XIRP2: variants seen among roughly 807,000 people sequenced by gnomAD.
XIRP2 encodes xin actin-binding repeat-containing protein 2.
Under a neutral mutation model 277.0 loss-of-function variants are expected in XIRP2, and 236 were observed. The ratio of observed to expected loss-of-function variants is 0.85; its 90% CI spans 0.77 to 0.95. XIRP2 has a LOEUF of 0.95. XIRP2 is among the 40% of genes least tolerant of loss of function. XIRP2 has a pLI of 0.00. For synonymous variants in XIRP2, 1,490 were observed against 1,416.5 expected, an observed-to-expected ratio of 1.05 and a Z score of -1.17; for missense variants, 4,640 against 4,157.5, an observed-to-expected ratio of 1.12 and a Z score of -3.19.
intron 2 of XIRP2, among the ~76,000 whole-genome samples, chr2:167,053,853 A>G (rs1379965341): frequency 1.3e-5 from 2 of 152,118 alleles, no homozygotes; most frequent in African/African-American, 4.8e-5. Flanking sequence ...ATGATAATTA[A>G]AAATTTGAGA....
chr2:167,164,649 G>C (rs568833456), intron 3 of XIRP2, among the ~76,000 whole-genome samples: 89 of 152,156 alleles, frequency 5.8e-4, no homozygotes, highest in African/African-American at 2.0e-3. Context: ...ATATTTCATA[G>C]TTTTCAGTGT....
rs115962017 is a variant in XIRP2, at chr2:167,018,950, T to C, written c.408+115060T>C. 3.3e-3 allele frequency among the ~76,000 whole-genome samples: 498 copies of C among 152,150 alleles called. 4 individuals are homozygous for C. The highest frequency in any genetic ancestry group is 5.5e-3 in the Non-Finnish European group (372 of 67,984). ...GTGAGCACCTGGAAGGCAGGGATTT[T>C]TTTTTCTTTTTTAATCTTTGAGTTA... On this transcript the variant is annotated intron_variant, in intron 2 of 10. Coordinates refer to ENST00000409195, the MANE Select transcript of XIRP2 (RefSeq NM_152381.6).
At chr2:166,901,323 G>A (rs1396295336) in intron 1 of XIRP2, among the ~76,000 whole-genome samples, 3 of 151,976 alleles carry the variant, frequency 2.0e-5, no homozygotes, top group Non-Finnish European at 2.9e-5. Flanking sequence ...TAGGCAGTTC[G>A]CCTTCTCTCT....
chr2:167,060,009 C>T (rs1689138875), intron 2 of XIRP2, among the ~76,000 whole-genome samples: 1 of 152,120 alleles, frequency 6.6e-6, no homozygotes, highest in Admixed American at 6.5e-5. Context: ...TTAGATCATC[C>T]TGGCTGAGCT....
In XIRP2 at chr2:167,026,062, G is replaced by A. The variant is rs1688148260; in HGVS notation, c.409-109847G>A. ...CTAATGTTGAGTGTGGGGTGTTAAAGTCTCCCATTATTATTGTGTGGGAGT... is the reference window on the plus strand; with the variant it reads ...CTAATGTTGAGTGTGGGGTGTTAAAATCTCCCATTATTATTGTGTGGGAGT... On this transcript the variant is annotated intron_variant, in intron 2 of 10. Transcript: ENST00000409195. Among the ~76,000 whole-genome samples, 7 of 152,104 alleles carry A rather than the reference G, an allele frequency of 4.6e-5. 1 individual carries two copies. The South Asian group carries it at 1.5e-3, about 32-fold the overall frequency.
intron 2 of XIRP2, among the ~76,000 whole-genome samples, chr2:167,067,065 C>T (rs929316152): frequency 6.6e-5 from 10 of 151,732 alleles, no homozygotes; most frequent in African/African-American, 2.4e-5. Flanking sequence ...CTTGAATCTG[C>T]GAGTTTATAG....
intron 1 of XIRP2, among the ~76,000 whole-genome samples, chr2:166,894,628 T>C (rs1222300172): frequency 2.6e-5 from 4 of 152,180 alleles, no homozygotes; most frequent in African/African-American, 9.6e-5. Context: ...ATACATATGA[T>C]GGGTTATAGT....
At chr2:167,016,991 G>A (rs1000818184) in intron 2 of XIRP2, among the ~76,000 whole-genome samples, 1 of 151,986 alleles carries the variant, frequency 6.6e-6, no homozygotes, top group Non-Finnish European at 1.5e-5. Context: ...CTGCAGGGTA[G>A]CAGCTTGGTC....
intron 2 of XIRP2, among the ~76,000 whole-genome samples, chr2:166,964,987 T>C (rs1226473368): frequency 2.0e-5 from 3 of 151,938 alleles, no homozygotes; most frequent in East Asian, 3.9e-4. Context: ...TTAAGAGACA[T>C]GGTATGTCAG....
In XIRP2 at chr2:167,059,450, AAAAAT is replaced by A. The variant is rs56983000; in HGVS notation, c.409-76419_409-76415del. On this transcript the variant is annotated intron_variant, in intron 2 of 10. Coordinates refer to ENST00000409195, the MANE Select transcript of XIRP2 (RefSeq NM_152381.6). ...AATAGGGTTAGATTAACATGTGGAA[AAAAAT>A]AAAATAAAATAAAATAAAATAAAAT... Among the ~76,000 whole-genome samples the A allele has an allele frequency of 6.2e-3, 870 of 140,368 alleles. 7 individuals carry two copies. Among genetic ancestry groups the A allele is most frequent in the East Asian group, 0.011 (51 of 4,844 alleles). 92.1% of individuals were successfully genotyped at this position (140,368 alleles called of 152,430 possible).
intron 3 of XIRP2, among the ~76,000 whole-genome samples, chr2:167,197,244 A>G (rs990120990): frequency 1.3e-5 from 2 of 152,186 alleles, no homozygotes; most frequent in Non-Finnish European, 2.9e-5. Context: ...TAACTTCTCA[A>G]TGTTGCTTAA....
chr2:166,891,486 T>G (rs1684103686), intron 1 of XIRP2, among the ~76,000 whole-genome samples: 1 of 152,194 alleles, frequency 6.6e-6, no homozygotes, highest in Admixed American at 6.5e-5. Flanking sequence ...TATATAATAA[T>G]AAAGCTTTAG....
intron 2 of XIRP2, among the ~76,000 whole-genome samples, chr2:167,014,071 T>C (rs1275725993): frequency 6.6e-6 from 1 of 151,622 alleles, no homozygotes; most frequent in Non-Finnish European, 1.5e-5. Context: ...TTGGTAATTA[T>C]ATGTTATTGC....
At chr2:167,200,370 C>T (rs1038662914) in intron 3 of XIRP2, among the ~76,000 whole-genome samples, 2 of 152,126 alleles carry the variant, frequency 1.3e-5, no homozygotes, top group Non-Finnish European at 2.9e-5. Flanking sequence ...AAGTGAGTAA[C>T]TTTGAATGAC....
intron 2 of XIRP2, among the ~76,000 whole-genome samples, chr2:166,939,695 AAAACAAAAAACAAAAAC>A (rs1393497316): frequency 1.0e-4 from 14 of 136,094 alleles, no homozygotes; most frequent in African/African-American, 3.8e-4. Flanking sequence ...AAAAAAAAAA[AAAACAAAAAACAAAAAC>A]AAAAAACAAA....
At chr2:167,109,561 A>T (rs1690698131) in intron 2 of XIRP2, among the ~76,000 whole-genome samples, 1 of 152,218 alleles carries the variant, frequency 6.6e-6, no homozygotes, top group Non-Finnish European at 1.5e-5. Flanking sequence ...GATTACAGGC[A>T]TGAGCCACTG....
At chr2:167,098,927 A>G (rs1437033725) in intron 2 of XIRP2, among the ~76,000 whole-genome samples, 1 of 152,188 alleles carries the variant, frequency 6.6e-6, no homozygotes. Context: ...GCTACATCCC[A>G]GAGAGGCACC....
intron 2 of XIRP2, among the ~76,000 whole-genome samples, chr2:167,106,083 C>T (rs115646089): frequency 0.029 from 4,325 of 151,342 alleles, 98 homozygotes; most frequent in South Asian, 0.095. Flanking sequence ...AGTCACTTGA[C>T]ACATATGTGA....
chr2:166,968,037 ATATT>A (rs1477255769), intron 2 of XIRP2, among the ~76,000 whole-genome samples: 2 of 151,994 alleles, frequency 1.3e-5, no homozygotes, highest in Non-Finnish European at 2.9e-5. Context: ...TTAAAAGAAT[ATATT>A]TAGCTACAGT....
Sources: allele counts gnomAD v4.1 joint callset (sites outside exome capture counted in the v4.1 genomes callset), GRCh38; gene constraint gnomAD v4.1.1; transcripts MANE v1.5; gene names NCBI Gene and HGNC (gene_info 2026-07-23, HGNC 2026-07-21).